Variants in FMN2 observed in about 807,000 individuals in gnomAD.
FMN2 encodes the protein formin 2, also known as formin-2.
A neutral mutation model predicts 142.3 loss-of-function variants in FMN2; 51 were observed. The ratio of observed to expected loss-of-function variants is 0.36; its 90% CI spans 0.29 to 0.45. FMN2 has a LOEUF of 0.45. Ranked by LOEUF, FMN2 falls within the 20% of genes least tolerant of loss-of-function variation. The pLI, the probability that FMN2 is intolerant of heterozygous loss-of-function variation, is 1.00. For synonymous variants in FMN2, 882 were observed against 869.8 expected (o/e 1.01, Z -0.25); for missense variants, 1,936 against 2,122.8 (o/e 0.91, Z 1.73).
chr1:240,250,610 G>A (rs1236253092), intron 6 of FMN2, among the ~76,000 whole-genome samples: 1 of 152,036 alleles, frequency 6.6e-6, no homozygotes, highest in Non-Finnish European at 1.5e-5. Flanking sequence ...AATAAGTTAG[G>A]GAGCATTCCC....
Position 240,093,127 on chromosome 1 carries a change from CGAGGGGCTGGGGACACGGATGAG to C in FMN2, c.1024_1046del (p.Ala342Ter). 1 of 1,396,360 alleles carries C rather than the reference CGAGGGGCTGGGGACACGGATGAG, an allele frequency of 7.2e-7. No individual in the cohort carries two copies. Among genetic ancestry groups the C allele is most frequent in the Non-Finnish European group, 9.2e-7 (1 of 1,084,310 alleles). 86.5% of individuals were successfully genotyped at this position (1,396,360 alleles called of 1,614,324 possible). On this transcript the variant is annotated frameshift_variant, in exon 1 of 18. Transcript: ENST00000319653. LOFTEE classifies it high-confidence loss of function. ...GGAGGAAGCGGCCGGAGCCCCCGTG[CGAGGGGCTGGGGACACGGATGAG>C]GAGGGTGAGGAGGATGCTTTTGAGG... is the stretch of plus-strand genomic sequence containing the variant.
chr1:240,147,054 C>A (rs567654147), intron 2 of FMN2, among the ~76,000 whole-genome samples: 30 of 152,150 alleles, frequency 2.0e-4, no homozygotes, highest in African/African-American at 7.2e-4. Flanking sequence ...TTTAGTTGGC[C>A]GGAGTGGAGG....
At chr1:240,400,274 G>C (rs1443908223) in intron 15 of FMN2, among the ~76,000 whole-genome samples, 1 of 152,150 alleles carries the variant, frequency 6.6e-6, no homozygotes, top group Admixed American at 6.5e-5. Flanking sequence ...CAATCCCCAA[G>C]CTGTGTAGGG....
intron 7 of FMN2, among the ~76,000 whole-genome samples, chr1:240,280,675 G>C (rs1669364633): frequency 6.6e-6 from 1 of 152,034 alleles, no homozygotes. Flanking sequence ...ACAGACAGTG[G>C]ATGTTTTACA....
chr1:240,281,672 G>T (rs774681272), intron 7 of FMN2, among the ~76,000 whole-genome samples: 3 of 151,944 alleles, frequency 2.0e-5, no homozygotes, highest in Non-Finnish European at 4.4e-5. Context: ...TTTAATAAAT[G>T]GTCTCCTTTC....
intron 15 of FMN2, among the ~76,000 whole-genome samples, chr1:240,405,612 C>A (rs1674123422): frequency 7.1e-6 from 1 of 140,880 alleles, no homozygotes; most frequent in African/African-American, 2.8e-5. Flanking sequence ...GAGCAAAACT[C>A]CGTCTCAAAA....
intron 15 of FMN2, among the ~76,000 whole-genome samples, chr1:240,416,345 C>T (rs1192165982): frequency 6.6e-6 from 1 of 150,390 alleles, no homozygotes; most frequent in African/African-American, 2.5e-5. Context: ...ACTGCAACCT[C>T]CACCTCCTGG....
At chr1:240,232,841 G>A (rs774017255) in intron 6 of FMN2, among the ~76,000 whole-genome samples, 5 of 151,590 alleles carry the variant, frequency 3.3e-5, no homozygotes, top group South Asian at 2.1e-4. Context: ...TTTTTTCCCC[G>A]CTAGGCCACC....
chr1:240,316,482 G>A (rs190217356), intron 8 of FMN2, among the ~76,000 whole-genome samples: 8 of 152,264 alleles, frequency 5.3e-5, no homozygotes, highest in African/African-American at 1.4e-4. Flanking sequence ...ATTGAGACTG[G>A]CAGGGATGGA....
intron 2 of FMN2, among the ~76,000 whole-genome samples, chr1:240,127,458 C>T (rs977188812): frequency 1.3e-5 from 2 of 151,622 alleles, no homozygotes; most frequent in African/African-American, 4.9e-5. Context: ...ATCACCTGGC[C>T]TGGTCTTGGT....
intron 8 of FMN2, among the ~76,000 whole-genome samples, chr1:240,316,432 A>G (rs1670780923): frequency 6.6e-6 from 1 of 152,196 alleles, no homozygotes; most frequent in Non-Finnish European, 1.5e-5. Flanking sequence ...GTTGCTGACA[A>G]GTAGTGCCTA....
rs1373287644 is a variant in FMN2, at chr1:240,208,677, C to T, written c.3865C>T (p.Pro1289Ser). Residue 1289 changes from proline (P) to serine (S), a missense_variant, in exon 5 of 18, where the codon CCT becomes TCT. Physicochemically the swap from Pro to Ser is moderately conservative, Grantham distance 74 (BLOSUM62 -1). Around this residue, in one of 8 missense-constraint regions of FMN2, gnomAD observed 259 missense variants for 230.9 expected, o/e 1.12. Coordinates refer to ENST00000319653, the MANE Select transcript of FMN2 (RefSeq NM_020066.5). Reference protein sequence around the residue: ...DKGSRKQPIEPCRPMKPLYWT... With the variant: ...DKGSRKQPIESCRPMKPLYWT... ...AGGGAGTAGGAAGCAGCCCATAGAG[C>T]CTTGTCGACCAATGAAGCCTCTTTA... 6.2e-7 allele frequency: 1 copy of T among 1,613,782 alleles called. No homozygotes were observed. The highest frequency in any genetic ancestry group is 1.1e-5 in the South Asian group (1 of 91,084).
chr1:240,313,690 G>A (rs1030065365), intron 8 of FMN2, among the ~76,000 whole-genome samples: 3 of 151,982 alleles, frequency 2.0e-5, no homozygotes, highest in Non-Finnish European at 2.9e-5. Context: ...TATACTGCCC[G>A]GGCACGGTGG....
chr1:240,416,597 C>A (rs2103133963), intron 15 of FMN2, among the ~76,000 whole-genome samples: 1 of 152,194 alleles, frequency 6.6e-6, no homozygotes, highest in Non-Finnish European at 1.5e-5. Context: ...TGTAGCCAAT[C>A]TTCTCCTCCT....
intron 4 of FMN2, among the ~76,000 whole-genome samples, chr1:240,193,498 C>G (rs372934284): frequency 2.0e-5 from 3 of 152,152 alleles, no homozygotes; most frequent in Non-Finnish European, 1.5e-5. Flanking sequence ...TAGATCAAAT[C>G]GTCATTTTTG....
intron 7 of FMN2, among the ~76,000 whole-genome samples, chr1:240,292,890 C>T (rs1410949016): frequency 1.3e-5 from 2 of 152,076 alleles, no homozygotes; most frequent in Non-Finnish European, 2.9e-5. Context: ...AGATTTTGCC[C>T]TGAAAACTGC....
At chr1:240,216,834 A>G (rs1666917765) in intron 6 of FMN2, among the ~76,000 whole-genome samples, 1 of 152,154 alleles carries the variant, frequency 6.6e-6, no homozygotes, top group African/African-American at 2.4e-5. Context: ...CTGTAATCCC[A>G]GCTACTCAGG....
At chr1:240,185,706 A>C (rs563555502) in intron 3 of FMN2, among the ~76,000 whole-genome samples, 1 of 152,350 alleles carries the variant, frequency 6.6e-6, no homozygotes, top group Non-Finnish European at 1.5e-5. Flanking sequence ...TGCATTTCTA[A>C]TGTAAAGAAC....
At chr1:240,336,143 C>G (rs1671547517) in intron 13 of FMN2, among the ~76,000 whole-genome samples, 2 of 151,888 alleles carry the variant, frequency 1.3e-5, no homozygotes, top group African/African-American at 4.8e-5. Flanking sequence ...AACTCCATCT[C>G]AAAAATAAAT....
Sources: gnomAD v4.1 joint callset for allele counts (sites outside exome capture counted in the v4.1 genomes callset) on GRCh38, gnomAD v4.1.1 for gene constraint, gnomAD v4.1.1 regional missense constraint, MANE v1.5 for transcripts, NCBI Gene and HGNC (gene_info 2026-07-23, HGNC 2026-07-21) for gene names.